The following UTRN variants were observed in gnomAD, a reference collection of about 807,000 sequenced individuals.
The protein encoded by UTRN is utrophin.
Under a neutral mutation model 463.9 loss-of-function variants are expected in UTRN, and 283 were observed. The ratio of observed to expected loss-of-function variants is 0.61; its 90% CI spans 0.55 to 0.67. The LOEUF is 0.67. UTRN is among the 30% of genes least tolerant of loss of function. The pLI is 0.00. For missense variants in UTRN, 3,922 were observed against 4,084.3 expected (o/e 0.96, Z 1.08); for synonymous variants, 1,442 against 1,431.5 (o/e 1.01, Z -0.17).
At chr6:144,376,362 G>A (rs960418447) in intron 2 of UTRN, among the ~76,000 whole-genome samples, 1 of 152,012 alleles carries the variant, frequency 6.6e-6, no homozygotes, top group Admixed American at 6.6e-5. Flanking sequence ...GGCTGAGGCA[G>A]GAGAATCGCT....
chr6:144,792,943 A>C (rs1005456604), intron 62 of UTRN, among the ~76,000 whole-genome samples: 7 of 152,182 alleles, frequency 4.6e-5, no homozygotes, highest in East Asian at 1.9e-4. Flanking sequence ...AAAACAAATC[A>C]GTTTTTTAAT....
At chr6:144,478,386 A>T (rs1317616773) in intron 25 of UTRN, among the ~76,000 whole-genome samples, 1 of 152,118 alleles carries the variant, frequency 6.6e-6, no homozygotes, top group Admixed American at 6.5e-5. Context: ...CATACAGAGA[A>T]TTTTCTGGAA....
intron 64 of UTRN, among the ~76,000 whole-genome samples, chr6:144,800,636 T>A (rs1471554459): frequency 1.3e-5 from 2 of 152,210 alleles, no homozygotes; most frequent in African/African-American, 4.8e-5. Context: ...AACTTCAAAT[T>A]CTATGAGTGT....
chr6:144,494,905 T>A lies in UTRN; in HGVS notation c.4593+1449T>A, dbSNP rs189571137. ...AAGGTTCTCTAAGGCCCCACCAGAG[T>A]AGCTAGATACAGAGTGTGGATTGGT... On this transcript the variant is annotated intron_variant, in intron 33 of 74. Coordinates refer to ENST00000367545, the MANE Select transcript of UTRN (RefSeq NM_007124.3). Among the ~76,000 whole-genome samples the A allele has an allele frequency of 2.3e-3, 354 of 151,192 alleles. 1 individual carries two copies. The highest frequency in any genetic ancestry group is 6.8e-3 in the Middle Eastern group (2 of 292).
At chr6:144,440,308 A>G in intron 12 of UTRN, 44 bp from the exon 13 acceptor site, 1 of 1,609,064 alleles carries the variant, frequency 6.2e-7, no homozygotes, top group Non-Finnish European at 8.5e-7. Context: ...AAATAGGTAA[A>G]TGTGAAAGTA....
Position 144,533,998 on chromosome 6 carries a change from G to A in UTRN, c.6233+738G>A, listed in dbSNP as rs570914113. On this transcript the variant is annotated intron_variant, in intron 43 of 74. Coordinates refer to ENST00000367545, the MANE Select transcript of UTRN (RefSeq NM_007124.3). ...GGTAGTTTAGGGTTAAAAACTCCAC[G>A]ATTTTTTTTTCTGTTAATTTTAACT... 8.6e-5 allele frequency among the ~76,000 whole-genome samples: 13 copies of A among 151,846 alleles called. No homozygotes were observed. The East Asian group carries it at 2.3e-3, about 27-fold the overall frequency.
chr6:144,615,378 T>G (rs1050674522), intron 51 of UTRN, among the ~76,000 whole-genome samples: 4 of 152,184 alleles, frequency 2.6e-5, no homozygotes, highest in Non-Finnish European at 5.9e-5. Context: ...TAGACTGTTT[T>G]CTTTAGGAGT....
chr6:144,748,572 CAAAT>C, intron 55 of UTRN, 58 bp downstream of exon 55: 1 of 1,563,150 alleles, frequency 6.4e-7, no homozygotes, highest in Non-Finnish European at 8.6e-7. Context: ...AAATATAACA[CAAAT>C]AAAGAGAGCC....
intron 52 of UTRN, among the ~76,000 whole-genome samples, chr6:144,692,469 A>C (rs557057212): frequency 6.6e-6 from 1 of 152,142 alleles, no homozygotes; most frequent in African/African-American, 2.4e-5. Flanking sequence ...GAGTCGCCAC[A>C]CTGTCTTCTC....
chr6:144,841,055 A>AT (rs1781533064), intron 73 of UTRN, among the ~76,000 whole-genome samples: 1 of 152,202 alleles, frequency 6.6e-6, no homozygotes, highest in Non-Finnish European at 1.5e-5. Context: ...GCTCTTTGAG[A>AT]TTTTTCAATA....
At chr6:144,832,626 C>T (rs922435878) in intron 69 of UTRN, among the ~76,000 whole-genome samples, 5 of 152,164 alleles carry the variant, frequency 3.3e-5, no homozygotes, top group African/African-American at 4.8e-5. Context: ...AGGAACTCTA[C>T]GCCAGGATCT....
chr6:144,407,923 A>G (rs1783556861), intron 3 of UTRN, among the ~76,000 whole-genome samples: 1 of 152,210 alleles, frequency 6.6e-6, no homozygotes. Context: ...AAAAAAAGCT[A>G]AAAATTAGGA....
intron 33 of UTRN, among the ~76,000 whole-genome samples, chr6:144,494,302 C>T (rs796109026): frequency 4.6e-5 from 7 of 151,922 alleles, no homozygotes; most frequent in South Asian, 2.1e-4. Context: ...TCAGGAGTGA[C>T]GCTGCAGACC....
rs190893409 is a variant in UTRN, at chr6:144,818,273, G to A, written c.9358-2609G>A. On this transcript the variant is annotated intron_variant, in intron 65 of 74. Coordinates refer to ENST00000367545, the MANE Select transcript of UTRN (RefSeq NM_007124.3). ...ATGCTTGCCATGGGTTGTGGGAGGC[G>A]AAGGGTCATGGGTACAGAGTTTCTC... Among the ~76,000 whole-genome samples the A allele has an allele frequency of 2.5e-4, 38 of 152,306 alleles. No individual in the cohort carries two copies. In the East Asian group the frequency reaches 2.9e-3, roughly 12 times the overall value.
chr6:144,682,984 T>C (rs7740417), intron 52 of UTRN, among the ~76,000 whole-genome samples: 57,421 of 151,852 alleles, frequency 0.38, 12,130 homozygotes, highest in East Asian at 0.81. Context: ...TGGGGATTTC[T>C]GAGAAGGTCT....
Position 144,436,072 on chromosome 6 carries a change from T to C in UTRN, c.993T>C (p.Thr331=). 6.2e-7 allele frequency: 1 copy of C among 1,614,236 alleles called. No individual in the cohort carries two copies. The change falls in exon 10 of 75, where the codon ACT becomes ACC. Residue 331 remains threonine (T), a synonymous_variant. Coordinates refer to ENST00000367545, the MANE Select transcript of UTRN (RefSeq NM_007124.3). The part of the protein sequence containing the change: ...VLTWLLSAED[T]FQEQDDISDD... ...CCTGGTTGCTTTCTGCTGAGGACAC[T>C]TTCCAGGAGCAGGATGATATTTCTG... is the stretch of plus-strand genomic sequence containing the variant.
intron 43 of UTRN, among the ~76,000 whole-genome samples, chr6:144,536,385 C>A (rs1797535327): frequency 6.6e-6 from 1 of 152,030 alleles, no homozygotes; most frequent in Non-Finnish European, 1.5e-5. Flanking sequence ...AAGTTAAATA[C>A]TTTTCACTAT....
chr6:144,846,155 G>A lies in UTRN; in HGVS notation c.10271-650G>A, dbSNP rs964725079. Among the ~76,000 whole-genome samples, 6 of 152,214 alleles carry A rather than the reference G, an allele frequency of 3.9e-5. No homozygotes were observed. In the East Asian group the frequency reaches 5.8e-4, roughly 15 times the overall value. Reference sequence around the variant, plus strand: ...CTGCCCTTGCAAAGCCCGCCAGATCGTCTTCACTGTTATGGGCTCTGGAAC... The same window carrying A: ...CTGCCCTTGCAAAGCCCGCCAGATCATCTTCACTGTTATGGGCTCTGGAAC... On this transcript the variant is annotated intron_variant, in intron 73 of 74. Coordinates refer to ENST00000367545, the MANE Select transcript of UTRN (RefSeq NM_007124.3).
intron 45 of UTRN, among the ~76,000 whole-genome samples, chr6:144,542,301 G>A (rs562456081): frequency 6.6e-6 from 1 of 152,278 alleles, no homozygotes; most frequent in Admixed American, 6.5e-5. Context: ...CTGGACTGAA[G>A]ATATGTTTTG....
Sources: gnomAD v4.1 joint callset for allele counts (sites outside exome capture counted in the v4.1 genomes callset) on GRCh38, gnomAD v4.1.1 for gene constraint, MANE v1.5 for transcripts, NCBI Gene and HGNC (gene_info 2026-07-23, HGNC 2026-07-21) for gene names.